Variants in LRRN4 observed in about 807,000 individuals in gnomAD.
LRRN4 encodes leucine rich repeat neuronal 4, also known as leucine-rich repeat neuronal protein 4.
In LRRN4, 26 loss-of-function variants were observed where a neutral mutation model predicts 22.3. The ratio of observed to expected loss-of-function variants is 1.16; its 90% confidence interval spans 0.85 to 1.62. The LOEUF (loss-of-function observed/expected upper bound fraction) is 1.62. LRRN4 is among the 40% of genes most tolerant of loss of function. LRRN4 has a pLI of 0.00. For missense variants in LRRN4, 1,070 were observed against 1,008.5 expected, an observed-to-expected ratio of 1.06 and a Z score of -0.83; for synonymous variants, 496 against 486.2, an observed-to-expected ratio of 1.02 and a Z score of -0.26.
chr20:6,044,703 A>G, intron 3 of LRRN4, 23 bp from the exon 4 acceptor site: 1 of 1,492,566 alleles, frequency 6.7e-7, no homozygotes. Context: ...CAAAAAAATT[A>G]ATTAAGTCAG....
intron 2 of LRRN4, among the ~76,000 whole-genome samples, chr20:6,051,630 C>T (rs1981247848): frequency 6.6e-6 from 1 of 152,190 alleles, no homozygotes; most frequent in African/African-American, 2.4e-5. Flanking sequence ...AGTGATTAAA[C>T]ATTCACAGAA....
Position 6,052,444 on chromosome 20 carries a change from C to T in LRRN4, c.356G>A (p.Gly119Asp). Reference protein sequence around the residue: ...NRIAALRWGPGGPAGLHTLDL... With the variant: ...NRIAALRWGPDGPAGLHTLDL... The stretch of plus-strand genomic sequence containing the variant: ...CAGGGTGTGCAGCCCCGCCGGCCCA[C>T]CCGGGCCCCAGCGCAGCGCGGCGAT... Residue 119 changes from glycine to aspartate, a missense_variant, in exon 2 of 5, where the codon GGT becomes GAT. Physicochemically the swap from Gly to Asp is moderately conservative, Grantham distance 94. Coordinates refer to ENST00000378858, the MANE Select transcript of LRRN4 (RefSeq NM_152611.5). 2.6e-6 allele frequency: 4 copies of T among 1,552,266 alleles called. No individual in the cohort carries two copies. Among genetic ancestry groups the T allele is most frequent in the Non-Finnish European group, 3.5e-6 (4 of 1,158,004 alleles).
rs1189032060 is a variant in LRRN4, at chr20:6,040,579, C to T, written c.*443G>A. On this transcript the variant is annotated 3_prime_UTR_variant, in exon 5 of 5. Transcript: ENST00000378858. ...AATTGATTTCTTGAATAACAGAGCTCGTTGTGTCTTAGAGCTTGACCATGA... is the reference window on the plus strand; with the variant it reads ...AATTGATTTCTTGAATAACAGAGCTTGTTGTGTCTTAGAGCTTGACCATGA... Among the ~76,000 whole-genome samples, 1 of 152,184 alleles carries T rather than the reference C, an allele frequency of 6.6e-6. No homozygotes were observed. The highest frequency in any genetic ancestry group is 6.5e-5 in the Admixed American group (1 of 15,276).
At position 6,041,155 on chromosome 20, in the gene LRRN4, C is replaced by G; in HGVS notation, c.2090G>C (p.Ser697Thr). 1 of 1,605,454 alleles carries G rather than the reference C, an allele frequency of 6.2e-7. No homozygotes were observed. Among genetic ancestry groups the G allele is most frequent in the Non-Finnish European group, 8.5e-7 (1 of 1,175,812 alleles). Residue 697 changes from serine to threonine, a missense_variant, in exon 5 of 5, where the codon AGC becomes ACC. Coordinates refer to ENST00000378858, the MANE Select transcript of LRRN4 (RefSeq NM_152611.5). The surrounding 1 kb of genome is among the most constrained non-coding windows in gnomAD (Gnocchi z 9.4). ...LCAASGLLLA[S>T]TVVLSACLCR... ...GAGACATGCGGACAGCACCACGGTG[C>G]TGGCGAGCAACAGGCCGCTGGCGGC... is the stretch of plus-strand genomic sequence containing the variant.
Position 6,052,381 on chromosome 20 carries a change from C to G in LRRN4, c.419G>C (p.Cys140Ser). ...GAGGCTGCTCAGCGCGGGCCCGGTG[C>G]ACGGCGGCAGAGCGGCCAGCTGGTT... Reference protein sequence around the residue: ...SYNQLAALPPCTGPALSSLRA... With the variant: ...SYNQLAALPPSTGPALSSLRA... The change falls in exon 2 of 5, where the codon TGC becomes TCC. Residue 140 changes from cysteine (C) to serine (S), a missense_variant. Cys to Ser is a moderately radical substitution (Grantham distance 112, BLOSUM62 -1). Transcript: ENST00000378858. 2 of 1,523,972 alleles carry G rather than the reference C, an allele frequency of 1.3e-6. No homozygotes were observed. Among genetic ancestry groups the G allele is most frequent in the Non-Finnish European group, 1.7e-6 (2 of 1,145,098 alleles). The allele number at this position is 1,523,972 out of a possible 1,614,324, so 94.4% of individuals were successfully genotyped here.
chr20:6,052,656 G>T lies in LRRN4; in HGVS notation c.144C>A (p.Cys48Ter). The T allele has an allele frequency of 1.3e-6, 2 of 1,583,216 alleles. No homozygotes were observed. The highest frequency in any genetic ancestry group is 1.7e-6 in the Non-Finnish European group (2 of 1,172,574). Residue 48 changes from cysteine (C) to a stop codon, truncating the protein, a stop_gained, in exon 2 of 5, where the codon TGC becomes TGA. Transcript: ENST00000378858. LOFTEE classifies it high-confidence loss of function. ...SSGSNATDSP[C>*]EGLPAADATA... Reference sequence around the variant, plus strand: ...TCGCATCCGCGGCGGGCAGCCCCTCGCAGGGCGAGTCGGTGGCGTTGCTGC... The same window carrying T: ...TCGCATCCGCGGCGGGCAGCCCCTCTCAGGGCGAGTCGGTGGCGTTGCTGC...
Position 6,050,974 on chromosome 20 carries a change from C to A in LRRN4, c.665G>T (p.Gly222Val). ...SGTFLERVES[G>V]WIRDLPKLTS... is the part of the protein sequence containing the mutation. The stretch of plus-strand genomic sequence containing the variant: ...GAGCTTCGGCAGGTCTCTGATCCAC[C>A]CTGACTCAACTGAAACACAGAAGGG... The change falls in exon 3 of 5, where the codon GGG becomes GTG. Residue 222 changes from glycine to valine, a missense_variant. Coordinates refer to ENST00000378858, the MANE Select transcript of LRRN4 (RefSeq NM_152611.5). The A allele has an allele frequency of 6.2e-7, 1 of 1,613,790 alleles. No homozygotes were observed. The highest frequency in any genetic ancestry group is 8.5e-7 in the Non-Finnish European group (1 of 1,179,940).
intron 3 of LRRN4, among the ~76,000 whole-genome samples, chr20:6,049,191 C>G (rs1981184066): frequency 6.6e-6 from 1 of 152,124 alleles, no homozygotes; most frequent in African/African-American, 2.4e-5. Flanking sequence ...CTTGGACTTG[C>G]CTTTTGAGAT....
At chr20:6,049,292 T>G (rs1981187305) in intron 3 of LRRN4, among the ~76,000 whole-genome samples, 1 of 152,202 alleles carries the variant, frequency 6.6e-6, no homozygotes, top group African/African-American at 2.4e-5. Context: ...GCACATGGCG[T>G]GTGTCTCTGC....
At chr20:6,047,425 TACACACACACACACACACAC>T (rs57188958) in intron 3 of LRRN4, among the ~76,000 whole-genome samples, 2 of 128,378 alleles carry the variant, frequency 1.6e-5, no homozygotes, top group Admixed American at 7.8e-5. Context: ...CAGACACACA[TACACACACACACACACACAC>T]ACACACACAC....
chr20:6,053,756 G>A (rs891609274), intron 1 of LRRN4, 74 bp downstream of exon 1: 2 of 152,336 alleles, frequency 1.3e-5, no homozygotes, highest in African/African-American at 4.8e-5. Flanking sequence ...TTACTAGCTG[G>A]GGATGAAGGC....
chr20:6,048,411 C>G (rs1166137632), intron 3 of LRRN4, among the ~76,000 whole-genome samples: 2 of 152,184 alleles, frequency 1.3e-5, no homozygotes, highest in Non-Finnish European at 2.9e-5. Context: ...ATTTATACCT[C>G]TGGCTCAGAC....
rs1600402909 is a variant in LRRN4, at chr20:6,041,786, G to C, written c.1459C>G (p.Pro487Ala). 4 of 1,614,148 alleles carry C rather than the reference G, an allele frequency of 2.5e-6. No individual in the cohort carries two copies. In the East Asian group the frequency reaches 8.9e-5, roughly 36 times the overall value. Reference sequence around the variant, plus strand: ...CTTATGCTGCGGTCCCACGAGGTAGGGAAGGGGCCCAGGAGCTTGCTGGCC... The same window carrying C: ...CTTATGCTGCGGTCCCACGAGGTAGCGAAGGGGCCCAGGAGCTTGCTGGCC... ...PLASKLLGPFPTSWDRSISSP... is the reference protein window; with the variant it reads ...PLASKLLGPFATSWDRSISSP... Residue 487 changes from proline to alanine, a missense_variant, in exon 5 of 5, where the codon CCT becomes GCT. Pro to Ala is a conservative substitution (Grantham distance 27). Coordinates refer to ENST00000378858, the MANE Select transcript of LRRN4 (RefSeq NM_152611.5). The surrounding 1 kb of genome is among the most constrained non-coding windows in gnomAD (Gnocchi z 9.4).
intron 2 of LRRN4, among the ~76,000 whole-genome samples, chr20:6,051,516 G>A (rs1254095284): frequency 3.9e-5 from 6 of 152,170 alleles, no homozygotes; most frequent in African/African-American, 1.4e-4. Context: ...ACAGGTGGTT[G>A]TAGACACGTG....
Position 6,040,716 on chromosome 20 carries a change from G to C in LRRN4, c.*306C>G. ...CCTACGTCCATACACTATTCTACTGGATAGAGAGGCACTGACTGCTGAAAA... is the reference window on the plus strand; with the variant it reads ...CCTACGTCCATACACTATTCTACTGCATAGAGAGGCACTGACTGCTGAAAA... On this transcript the variant is annotated 3_prime_UTR_variant, in exon 5 of 5. Coordinates refer to ENST00000378858, the MANE Select transcript of LRRN4 (RefSeq NM_152611.5). 1 of 420,492 alleles carries C rather than the reference G, an allele frequency of 2.4e-6. No homozygotes were observed. Among genetic ancestry groups the C allele is most frequent in the Non-Finnish European group, 4.3e-6 (1 of 230,040 alleles). The allele number at this position is 420,492 out of a possible 1,614,324, so 26.0% of individuals were successfully genotyped here.
At chr20:6,049,507 GTTTTGA>G (rs970568831) in intron 3 of LRRN4, among the ~76,000 whole-genome samples, 3 of 151,228 alleles carry the variant, frequency 2.0e-5, no homozygotes, top group African/African-American at 7.3e-5. Context: ...TTTTTGTTTT[GTTTTGA>G]TTTTGAGACA....
chr20:6,042,051 C>T lies in LRRN4; in HGVS notation c.1194G>A (p.Arg398=), dbSNP rs1980976627. 2.5e-6 allele frequency: 4 copies of T among 1,613,810 alleles called. No individual in the cohort carries two copies. In the South Asian group the frequency reaches 4.4e-5, roughly 18 times the overall value. Residue 398 remains arginine (R), a synonymous_variant, in exon 5 of 5, where the codon CGG becomes CGA. Coordinates refer to ENST00000378858, the MANE Select transcript of LRRN4 (RefSeq NM_152611.5). ...TVAPSAAPAT[R]PAGDQQSVSK... is the part of the protein sequence containing the mutation. ...AGACACTCTGCTGGTCTCCCGCAGG[C>T]CGGGTGGCGGGGGCTGCGCTGGGCG...
intron 2 of LRRN4, among the ~76,000 whole-genome samples, chr20:6,051,425 G>T (rs1304534697): frequency 6.6e-6 from 1 of 152,196 alleles, no homozygotes; most frequent in Non-Finnish European, 1.5e-5. Flanking sequence ...TCATTTTGTG[G>T]CTCTCCTAAT....
At chr20:6,044,947 C>T (rs1193552845) in intron 3 of LRRN4, among the ~76,000 whole-genome samples, 1 of 152,000 alleles carries the variant, frequency 6.6e-6, no homozygotes, top group Non-Finnish European at 1.5e-5. Context: ...GGAGACATAG[C>T]TAGAATGGAA....
Sources: gnomAD v4.1 joint callset for allele counts (sites outside exome capture counted in the v4.1 genomes callset) on GRCh38, gnomAD v4.1.1 for gene constraint, Gnocchi (gnomAD v3.1) non-coding constraint, MANE v1.5 for transcripts, NCBI Gene and HGNC (gene_info 2026-07-23, HGNC 2026-07-21) for gene names.